The following ALCAM variants were observed in gnomAD, a reference collection of about 807,000 sequenced individuals.
ALCAM encodes CD166 antigen.
A neutral mutation model predicts 70.9 loss-of-function variants in ALCAM; 30 were observed. That is an observed-to-expected ratio of 0.42 (90% CI 0.32 to 0.57). The LOEUF is 0.57. ALCAM is among the 20% of genes least tolerant of loss of function. The pLI is 0.11. For missense variants in ALCAM, 591 were observed against 695.1 expected (o/e 0.85, Z 1.68); for synonymous variants, 249 against 242.5 (o/e 1.03, Z -0.25).
At chr3:105,412,687 T>G (rs1936419521) in intron 1 of ALCAM, among the ~76,000 whole-genome samples, 1 of 152,036 alleles carries the variant, frequency 6.6e-6, no homozygotes, top group Non-Finnish European at 1.5e-5. Flanking sequence ...GCCCCAGAAG[T>G]CAACATGAGG....
intron 1 of ALCAM, among the ~76,000 whole-genome samples, chr3:105,486,060 G>C (rs1576194861): frequency 6.6e-6 from 1 of 152,022 alleles, no homozygotes; most frequent in East Asian, 1.9e-4. Flanking sequence ...AGTTGTTTCT[G>C]TAACTATTAA....
intron 1 of ALCAM, among the ~76,000 whole-genome samples, chr3:105,369,156 C>T (rs548096276): frequency 6.6e-6 from 1 of 152,312 alleles, no homozygotes; most frequent in South Asian, 2.1e-4. Context: ...CCGATTAACC[C>T]CCTCGAGACT....
chr3:105,570,975 A>C (rs1382328336), intron 14 of ALCAM, among the ~76,000 whole-genome samples: 1 of 151,996 alleles, frequency 6.6e-6, no homozygotes, highest in Non-Finnish European at 1.5e-5. Context: ...GAAGGGGTGC[A>C]CTCTTGGACA....
chr3:105,573,609 T>A (rs1940901603), intron 15 of ALCAM, among the ~76,000 whole-genome samples: 1 of 152,226 alleles, frequency 6.6e-6, no homozygotes, highest in African/African-American at 2.4e-5. Context: ...AAGAGGTATG[T>A]TTCCATGGCA....
intron 1 of ALCAM, among the ~76,000 whole-genome samples, chr3:105,406,843 A>T (rs936167916): frequency 6.6e-6 from 1 of 152,168 alleles, no homozygotes; most frequent in Non-Finnish European, 1.5e-5. Flanking sequence ...GAAAATCCAA[A>T]TAAGCTCAAT....
intron 8 of ALCAM, among the ~76,000 whole-genome samples, chr3:105,543,854 T>C (rs1559828617): frequency 6.6e-6 from 1 of 151,712 alleles, no homozygotes; most frequent in Non-Finnish European, 1.5e-5. Flanking sequence ...TTCTACATGT[T>C]GGTACATGGT....
chr3:105,520,044 TC>T, intron 1 of ALCAM, 22 bp from the exon 2 acceptor site: 1 of 1,429,120 alleles, frequency 7.0e-7, no homozygotes, highest in Non-Finnish European at 9.4e-7. Flanking sequence ...TCTCTCTTCT[TC>T]CTTTTTTTTT....
intron 1 of ALCAM, among the ~76,000 whole-genome samples, chr3:105,412,750 A>G (rs1936421135): frequency 6.6e-6 from 1 of 152,116 alleles, no homozygotes; most frequent in Non-Finnish European, 1.5e-5. Flanking sequence ...CTAGCCACCT[A>G]ATTTTGGAAA....
At chr3:105,468,388 C>T (rs1235623382) in intron 1 of ALCAM, among the ~76,000 whole-genome samples, 1 of 151,236 alleles carries the variant, frequency 6.6e-6, no homozygotes, top group African/African-American at 2.4e-5. Flanking sequence ...TTTGATGGTC[C>T]ACATTCTTCC....
chr3:105,410,575 T>C (rs1013761605), intron 1 of ALCAM, among the ~76,000 whole-genome samples: 1 of 152,056 alleles, frequency 6.6e-6, no homozygotes, highest in African/African-American at 2.4e-5. Context: ...TCCGGGGATA[T>C]AGGCTTTGCT....
intron 1 of ALCAM, among the ~76,000 whole-genome samples, chr3:105,388,866 A>G (rs182869188): frequency 6.6e-6 from 1 of 151,706 alleles, no homozygotes; most frequent in African/African-American, 2.4e-5. Context: ...ATCACGTTTT[A>G]GATAGTAAAG....
At chr3:105,452,280 C>CTT (rs1486341506) in intron 1 of ALCAM, among the ~76,000 whole-genome samples, 22 of 152,210 alleles carry the variant, frequency 1.4e-4, no homozygotes, top group Non-Finnish European at 2.8e-4. Flanking sequence ...CATGTGTTCT[C>CTT]ATTGTTCAAC....
At chr3:105,445,124 C>T (rs753880191) in intron 1 of ALCAM, among the ~76,000 whole-genome samples, 5 of 152,066 alleles carry the variant, frequency 3.3e-5, no homozygotes, top group African/African-American at 4.8e-5. Context: ...TAAAATTAAT[C>T]AAGCTGTCCT....
At chr3:105,453,939 C>G (rs1342488600) in intron 1 of ALCAM, among the ~76,000 whole-genome samples, 1 of 152,098 alleles carries the variant, frequency 6.6e-6, no homozygotes, top group Non-Finnish European at 1.5e-5. Context: ...GAGAGATACA[C>G]AAACTAAAAT....
intron 2 of ALCAM, among the ~76,000 whole-genome samples, chr3:105,521,359 T>A (rs538149180): frequency 6.6e-6 from 1 of 151,606 alleles, no homozygotes; most frequent in South Asian, 2.1e-4. Flanking sequence ...CTCGGAGTCT[T>A]TCATATGTAA....
intron 1 of ALCAM, among the ~76,000 whole-genome samples, chr3:105,496,831 T>G (rs201993867): frequency 1.1e-3 from 150 of 141,858 alleles, no homozygotes; most frequent in Non-Finnish European, 1.8e-3. Context: ...AATTGAGGTG[T>G]GTGTGTGTGT....
chr3:105,531,442 C>T (rs1244879110), intron 3 of ALCAM: 1 of 152,108 alleles, frequency 6.6e-6, no homozygotes, highest in Non-Finnish European at 1.5e-5. Context: ...TTCTATTTCC[C>T]ATGATTTTAG....
intron 1 of ALCAM, among the ~76,000 whole-genome samples, chr3:105,426,929 T>A (rs982844969): frequency 2.0e-5 from 3 of 151,884 alleles, no homozygotes; most frequent in Non-Finnish European, 4.4e-5. Context: ...TAACAAAATA[T>A]AGGCAGTCTT....
chr3:105,435,325 A>G (rs763026905), intron 1 of ALCAM, among the ~76,000 whole-genome samples: 3 of 152,260 alleles, frequency 2.0e-5, no homozygotes, highest in Non-Finnish European at 2.9e-5. Context: ...TAACAGTAAA[A>G]TAAAATCCAC....
Sources: gnomAD v4.1 joint callset for allele counts (sites outside exome capture counted in the v4.1 genomes callset) on GRCh38, gnomAD v4.1.1 for gene constraint, MANE v1.5 for transcripts, NCBI Gene and HGNC (gene_info 2026-07-23, HGNC 2026-07-21) for gene names.